Variants in SLAMF8 observed in about 807,000 individuals in gnomAD.
SLAMF8 encodes B lymphocyte activator macrophage expressed.
Under a neutral mutation model 29.0 loss-of-function variants are expected in SLAMF8, and 23 were observed. The observed-to-expected ratio is 0.79, with a 90% CI of 0.57 to 1.13. The LOEUF is 1.13. Among genes scored for constraint, SLAMF8 ranks in the 50% most tolerant of loss-of-function variants. The probability of loss-of-function intolerance (pLI) is 0.00; values close to 1 mark genes in which losing one functional copy is unlikely to be tolerated. For missense variants in SLAMF8, 381 were observed against 353.1 expected (o/e 1.08, Z -0.63); for synonymous variants, 139 against 145.6 (o/e 0.96, Z 0.32).
chr1:159,834,867 G>A (rs1486760357), intron 4 of SLAMF8: 2 of 266,144 alleles, frequency 7.5e-6, no homozygotes, highest in East Asian at 1.6e-4. Context: ...GCTCCATGCA[G>A]GGAGTCCAGA....
rs758731246 is a variant in SLAMF8, at chr1:159,835,168, C to G, written c.782-16C>G. On this transcript the variant is annotated splice_polypyrimidine_tract_variant and intron_variant, in intron 4 of 4. Coordinates refer to ENST00000289707, the MANE Select transcript of SLAMF8 (RefSeq NM_020125.3). ...AAACACTGGAGGGGTAACTTTCTTT[C>G]TGATGTCCTTACCAGGGAAAAAGAA... The G allele has an allele frequency of 8.1e-6, 13 of 1,611,860 alleles. No individual in the cohort carries two copies. The South Asian group carries it at 1.1e-4, about 14-fold the overall frequency.
chr1:159,826,968 C>T lies in SLAMF8; in HGVS notation c.40+30C>T, dbSNP rs368815592. The T allele has an allele frequency of 6.6e-5, 107 of 1,613,778 alleles. No individual in the cohort carries two copies. In the Middle Eastern group the frequency reaches 8.3e-4, roughly 12 times the overall value. ...GTGGGGCAGGCAGATAGCCTGTCCT[C>T]GGAGAGCTGAAGGCCCCTCCCCAGC... On this transcript the variant is annotated intron_variant, in intron 1 of 4. Transcript: ENST00000289707.
At position 159,833,164 on chromosome 1, in the gene SLAMF8, G is replaced by A; in HGVS notation, c.656G>A (p.Ser219Asn). Residue 219 changes from serine (S) to asparagine (N), a missense_variant, in exon 3 of 5, where the codon AGC (serine) becomes AAC (asparagine). Ser to Asn is a conservative substitution (Grantham distance 46). Coordinates refer to ENST00000289707, the MANE Select transcript of SLAMF8 (RefSeq NM_020125.3). ...WDLATVTPWDSCHHEAAPGKA... is the reference protein window; with the variant it reads ...WDLATVTPWDNCHHEAAPGKA... ...TTGGCCACAGTCACGCCCTGGGATA[G>A]CTGTCATCATGAGGCAGGTATGCTA... 1 of 1,614,108 alleles carries A rather than the reference G, an allele frequency of 6.2e-7. No individual in the cohort carries two copies. Among genetic ancestry groups the A allele is most frequent in the Non-Finnish European group, 8.5e-7 (1 of 1,179,998 alleles).
intron 2 of SLAMF8, 108 bp from the exon 3 acceptor site, chr1:159,832,768 G>A (rs935064723): frequency 1.0e-5 from 13 of 1,250,530 alleles, no homozygotes; most frequent in African/African-American, 3.0e-5. Flanking sequence ...TGGAACAAGA[G>A]AGGCCTAGCC....
At chr1:159,831,304 A>C (rs943905776) in intron 2 of SLAMF8, among the ~76,000 whole-genome samples, 1 of 151,952 alleles carries the variant, frequency 6.6e-6, no homozygotes, top group African/African-American at 2.4e-5. Flanking sequence ...AATTGGGGAG[A>C]TGTCTTGAAT....
Position 159,835,539 on chromosome 1 carries a change from G to A in SLAMF8, c.*279G>A, listed in dbSNP as rs921725024. 1 of 1,196,490 alleles carries A rather than the reference G, an allele frequency of 8.4e-7. No individual in the cohort carries two copies. The highest frequency in any genetic ancestry group is 1.0e-6 in the Non-Finnish European group (1 of 962,850). The allele number at this position is 1,196,490 out of a possible 1,614,324, so 74.1% of individuals were successfully genotyped here. ...GAACATTCCATCCAGGACACTGGAA[G>A]TTCTCCAGGATCCAGATCCATGGGG... On this transcript the variant is annotated 3_prime_UTR_variant, in exon 5 of 5. Coordinates refer to ENST00000289707, the MANE Select transcript of SLAMF8 (RefSeq NM_020125.3).
chr1:159,835,137 G>A (rs1647814696), intron 4 of SLAMF8, 47 bp from the exon 5 acceptor site: 4 of 1,585,492 alleles, frequency 2.5e-6, no homozygotes, highest in Non-Finnish European at 3.4e-6. Flanking sequence ...AGGATTCCAA[G>A]ACTCCAAACA....
In SLAMF8 at chr1:159,830,098, G is replaced by C. The variant is rs150566670; in HGVS notation, c.273G>C (p.Gly91=). The C allele has an allele frequency of 2.5e-5, 40 of 1,614,128 alleles. No homozygotes were observed. Among genetic ancestry groups the C allele is most frequent in the Non-Finnish European group, 3.1e-5 (37 of 1,180,050 alleles). Residue 91 remains glycine, a synonymous_variant, in exon 2 of 5, where the codon GGG becomes GGC. Transcript: ENST00000289707. ...ACAGCAACCTCAGCCTGGAGCTCGG[G>C]CCGCTGGAGTCTGGAGACAGCGGCA... is the stretch of plus-strand genomic sequence containing the variant. ...QLHSNLSLEL[G]PLESGDSGNF... is the part of the protein sequence containing the mutation.
rs1338488038 is a variant in SLAMF8, at chr1:159,835,874, G to C, written c.*614G>C. ...ACTTTCAGGTAATCAGAGTTCATGGGCCCTCAAAGGTAAATTGCAGTTGTA... is the reference window on the plus strand; with the variant it reads ...ACTTTCAGGTAATCAGAGTTCATGGCCCCTCAAAGGTAAATTGCAGTTGTA... On this transcript the variant is annotated 3_prime_UTR_variant, in exon 5 of 5. Coordinates refer to ENST00000289707, the MANE Select transcript of SLAMF8 (RefSeq NM_020125.3). The C allele has an allele frequency of 2.0e-6, 2 of 985,346 alleles. No individual in the cohort carries two copies. The highest frequency in any genetic ancestry group is 2.4e-6 in the Non-Finnish European group (2 of 829,984). 61.0% of individuals were successfully genotyped at this position (985,346 alleles called of 1,614,324 possible).
chr1:159,828,615 G>GA (rs1349602994), intron 1 of SLAMF8, among the ~76,000 whole-genome samples: 1 of 152,190 alleles, frequency 6.6e-6, no homozygotes, highest in Non-Finnish European at 1.5e-5. Flanking sequence ...GTGGGCACTG[G>GA]AAGCAAACGA....
chr1:159,830,230 C>T (rs1174517518), intron 2 of SLAMF8, 38 bp downstream of exon 2: 9 of 1,527,526 alleles, frequency 5.9e-6, no homozygotes, highest in East Asian at 2.3e-5. Flanking sequence ...GCCCTCTTCC[C>T]CCACAAAGCA....
chr1:159,833,235 C>T, intron 3 of SLAMF8, 27 bp from the exon 4 acceptor site: 1 of 1,614,174 alleles, frequency 6.2e-7, no homozygotes, highest in Non-Finnish European at 8.5e-7. Flanking sequence ...ATCAAGTCCA[C>T]CTCTAACCCC....
chr1:159,835,330 A>G lies in SLAMF8; in HGVS notation c.*70A>G, dbSNP rs906582122. On this transcript the variant is annotated 3_prime_UTR_variant, in exon 5 of 5. Transcript: ENST00000289707. The stretch of plus-strand genomic sequence containing the variant: ...ACAGGCACACGATGCTCTGGGACAT[A>G]ACTGGTGCCTGGAAATCACCATGGT... 28 of 1,553,224 alleles carry G rather than the reference A, an allele frequency of 1.8e-5. No homozygotes were observed. Among genetic ancestry groups the G allele is most frequent in the Non-Finnish European group, 2.3e-5 (27 of 1,153,864 alleles).
In SLAMF8 at chr1:159,835,277, A is replaced by C; in HGVS notation, c.*17A>C. On this transcript the variant is annotated 3_prime_UTR_variant, in exon 5 of 5. Coordinates refer to ENST00000289707, the MANE Select transcript of SLAMF8 (RefSeq NM_020125.3). ...CTGCCATAAAGGACAATATGAACTG[A>C]TGCCTGGACTATCAGTAACCCCACT... The C allele has an allele frequency of 6.2e-7, 1 of 1,611,188 alleles. No homozygotes were observed. The highest frequency in any genetic ancestry group is 8.5e-7 in the Non-Finnish European group (1 of 1,179,236).
At chr1:159,832,621 T>C (rs1036881159) in intron 2 of SLAMF8, among the ~76,000 whole-genome samples, 3 of 152,168 alleles carry the variant, frequency 2.0e-5, no homozygotes, top group Non-Finnish European at 4.4e-5. Context: ...AACTGCAAAT[T>C]AATTAGGATG....
intron 2 of SLAMF8, among the ~76,000 whole-genome samples, chr1:159,831,896 T>C (rs992947044): frequency 3.9e-5 from 6 of 152,226 alleles, no homozygotes; most frequent in African/African-American, 1.4e-4. Flanking sequence ...CTGTAATCTT[T>C]GTTTATACTA....
At chr1:159,829,703 T>G (rs1647326709) in intron 1 of SLAMF8, among the ~76,000 whole-genome samples, 163 bp from the exon 2 acceptor site, 1 of 152,216 alleles carries the variant, frequency 6.6e-6, no homozygotes, top group African/African-American at 2.4e-5. Flanking sequence ...TGGGGTTATC[T>G]TCCATATGTT....
Position 159,829,905 on chromosome 1 carries a change from G to C in SLAMF8, c.80G>C (p.Ser27Thr), listed in dbSNP as rs1315179502. Reference protein sequence around the residue: ...PITVTGAQVLSKVGGSVLLVA... With the variant: ...PITVTGAQVLTKVGGSVLLVA... Reference sequence around the variant, plus strand: ...ACAGTTACTGGTGCCCAAGTGCTGAGCAAAGTCGGGGGCTCGGTGCTGCTG... The same window carrying C: ...ACAGTTACTGGTGCCCAAGTGCTGACCAAAGTCGGGGGCTCGGTGCTGCTG... The change falls in exon 2 of 5, where the codon AGC becomes ACC. Residue 27 changes from serine to threonine, a missense_variant. Ser to Thr is a moderately conservative substitution (Grantham distance 58). Coordinates refer to ENST00000289707, the MANE Select transcript of SLAMF8 (RefSeq NM_020125.3). The C allele has an allele frequency of 6.2e-7, 1 of 1,613,936 alleles. No individual in the cohort carries two copies. Among genetic ancestry groups the C allele is most frequent in the Admixed American group, 1.7e-5 (1 of 60,012 alleles).
chr1:159,834,105 C>T (rs943229449), intron 4 of SLAMF8, among the ~76,000 whole-genome samples: 1 of 152,328 alleles, frequency 6.6e-6, no homozygotes, highest in South Asian at 2.1e-4. Flanking sequence ...CTTCCTCTGC[C>T]GCAGGATGCC....
Sources: allele counts gnomAD v4.1 joint callset (sites outside exome capture counted in the v4.1 genomes callset), GRCh38; gene constraint gnomAD v4.1.1; transcripts MANE v1.5; gene names NCBI Gene and HGNC (gene_info 2026-07-23, HGNC 2026-07-21).